The following DCLK1 variants were observed in gnomAD, a reference collection of about 807,000 sequenced individuals.
DCLK1 encodes serine/threonine-protein kinase DCLK1.
In DCLK1, 16 loss-of-function variants were observed where a neutral mutation model predicts 86.2. The observed-to-expected ratio is 0.19, with a 90% confidence interval of 0.13 to 0.28. The LOEUF (loss-of-function observed/expected upper bound fraction) is 0.28. DCLK1 is among the 10% of genes least tolerant of loss of function. The pLI is 1.00. For missense variants in DCLK1, 590 were observed against 940.2 expected, an observed-to-expected ratio of 0.63 and a Z score of 4.87; for synonymous variants, 369 against 370.5, an observed-to-expected ratio of 1.00 and a Z score of 0.05.
At chr13:35,791,504 C>G (rs1031145902) in intron 16 of DCLK1, among the ~76,000 whole-genome samples, 1 of 152,038 alleles carries the variant, frequency 6.6e-6, no homozygotes, top group Non-Finnish European at 1.5e-5. Flanking sequence ...TCTTCAAATA[C>G]TAATGAGTGT....
At chr13:35,921,328 C>T (rs76209988) in intron 4 of DCLK1, among the ~76,000 whole-genome samples, 1 of 152,130 alleles carries the variant, frequency 6.6e-6, no homozygotes, top group Non-Finnish European at 1.5e-5. Flanking sequence ...TACCTGAAAG[C>T]ATTCTTCTCT....
At chr13:36,034,496 T>C (rs768910326) in intron 3 of DCLK1, among the ~76,000 whole-genome samples, 2 of 152,230 alleles carry the variant, frequency 1.3e-5, no homozygotes, top group Non-Finnish European at 2.9e-5. Context: ...AAATATTAAA[T>C]GGACATGTTT....
Position 36,131,226 on chromosome 13 carries a change from GGGC to G in DCLK1, c.-135_-133del. On this transcript the variant is annotated 5_prime_UTR_variant, in exon 1 of 17. Transcript: ENST00000360631. ...GGGGCTGCGGGGCTGCAGGGCTGGGGGGCGGCGGCGGGGCCGGGCTGGGCGGCA... is the reference window on the plus strand; with the variant it reads ...GGGGCTGCGGGGCTGCAGGGCTGGGGGGCGGCGGGGCCGGGCTGGGCGGCA... 1.3e-5 allele frequency: 2 copies of G among 154,590 alleles called. No individual in the cohort carries two copies. Among genetic ancestry groups the G allele is most frequent in the Admixed American group, 6.6e-5 (1 of 15,182 alleles). 9.6% of individuals were successfully genotyped at this position (154,590 alleles called of 1,614,324 possible).
At chr13:36,091,993 CTCA>C (rs1566677726) in intron 3 of DCLK1, among the ~76,000 whole-genome samples, 1 of 152,172 alleles carries the variant, frequency 6.6e-6, no homozygotes, top group East Asian at 1.9e-4. Flanking sequence ...AGAATGTCCT[CTCA>C]TCATCTTTTC....
At chr13:35,788,910 CAAT>C (rs1467232283) in intron 16 of DCLK1, among the ~76,000 whole-genome samples, 14 of 152,010 alleles carry the variant, frequency 9.2e-5, no homozygotes, top group Non-Finnish European at 1.8e-4. Context: ...ATAAAACAGT[CAAT>C]AAATTTTCTC....
At chr13:36,013,260 A>G (rs1343492242) in intron 3 of DCLK1, among the ~76,000 whole-genome samples, 35 of 151,170 alleles carry the variant, frequency 2.3e-4, no homozygotes, top group African/African-American at 5.6e-4. Flanking sequence ...GCTTTGTTCC[A>G]TTGCTGGTGA....
At chr13:35,957,538 G>A (rs1392270917) in intron 3 of DCLK1, among the ~76,000 whole-genome samples, 1 of 152,084 alleles carries the variant, frequency 6.6e-6, no homozygotes, top group Non-Finnish European at 1.5e-5. Flanking sequence ...TTATTAAAAA[G>A]TTTTGCAAGA....
In DCLK1 at chr13:35,772,325, T is replaced by C. The variant is rs1329057270; in HGVS notation, c.*2210A>G. ...TACACTAGATGCTGTAGCAATATAG[T>C]TAATGCCCACAGAAAAAGCAGTAAT... On this transcript the variant is annotated 3_prime_UTR_variant, in exon 17 of 17. Transcript: ENST00000360631. The C allele has an allele frequency of 6.6e-6, 1 of 152,066 alleles. No individual in the cohort carries two copies. Among genetic ancestry groups the C allele is most frequent in the African/African-American group, 2.4e-5 (1 of 41,370 alleles). 9.4% of individuals were successfully genotyped at this position (152,066 alleles called of 1,614,324 possible).
intron 3 of DCLK1, among the ~76,000 whole-genome samples, chr13:35,980,402 C>A (rs1014282102): frequency 6.6e-6 from 1 of 152,090 alleles, no homozygotes; most frequent in African/African-American, 2.4e-5. Context: ...TTGCAGTGAG[C>A]AGAGATCGAC....
chr13:36,121,633 T>C (rs575432036), intron 2 of DCLK1, among the ~76,000 whole-genome samples: 1 of 152,362 alleles, frequency 6.6e-6, no homozygotes, highest in East Asian at 1.9e-4. Flanking sequence ...TTGCATCATA[T>C]ACATACCTTT....
chr13:36,072,133 G>C (rs1883997180), intron 3 of DCLK1, among the ~76,000 whole-genome samples: 1 of 151,980 alleles, frequency 6.6e-6, no homozygotes, highest in Non-Finnish European at 1.5e-5. Flanking sequence ...TCCTAAACTA[G>C]CTCCCTCACC....
intron 3 of DCLK1, among the ~76,000 whole-genome samples, chr13:36,092,544 T>A (rs61948290): frequency 0.17 from 23,029 of 132,792 alleles, 2,119 homozygotes; most frequent in East Asian, 0.45. Flanking sequence ...TGGAGTGCAG[T>A]GGCGGGATCT....
At chr13:35,957,729 G>A (rs891576409) in intron 3 of DCLK1, among the ~76,000 whole-genome samples, 1 of 152,148 alleles carries the variant, frequency 6.6e-6, no homozygotes, top group Admixed American at 6.5e-5. Flanking sequence ...TAACGTTAAA[G>A]TATTGAGTCT....
At position 35,795,925 on chromosome 13, in the gene DCLK1, CAA is replaced by C. The variant is rs36039528; in HGVS notation, c.1945-2448_1945-2447del. Among the ~76,000 whole-genome samples the C allele has an allele frequency of 1.8e-4, 16 of 90,106 alleles. No individual in the cohort carries two copies. In the South Asian group the frequency reaches 4.8e-3, roughly 27 times the overall value. 59.1% of individuals were successfully genotyped at this position (90,106 alleles called of 152,430 possible). On this transcript the variant is annotated intron_variant, in intron 15 of 16. Coordinates refer to ENST00000360631, the MANE Select transcript of DCLK1 (RefSeq NM_001330071.2). ...GGGCAACAAAAGCAAAACTCCATCT[CAA>C]AAAAAAAAAAAAAAAAACCAACAAC...
At chr13:35,821,674 A>ATATATATAAATATATG (rs2087396965) in intron 11 of DCLK1, among the ~76,000 whole-genome samples, 1 of 36,342 alleles carries the variant, frequency 2.8e-5, no homozygotes, top group Middle Eastern at 0.015. Flanking sequence ...AAATATATGT[A>ATATATATAAATATATG]TATATATATA....
At position 35,828,246 on chromosome 13, in the gene DCLK1, A is replaced by G; in HGVS notation, c.1287+4T>C. 2 of 1,609,386 alleles carry G rather than the reference A, an allele frequency of 1.2e-6. No individual in the cohort carries two copies. Among genetic ancestry groups the G allele is most frequent in the South Asian group, 1.1e-5 (1 of 90,942 alleles). ...TATCTCATAAGAACAAATTTTATAC[A>G]TACTTTGCCTCGACATTTGCTTTTC... On this transcript the variant is annotated splice_donor_region_variant and intron_variant, in intron 9 of 16. Coordinates refer to ENST00000360631, the MANE Select transcript of DCLK1 (RefSeq NM_001330071.2).
chr13:35,808,373 G>C, intron 13 of DCLK1, 53 bp from the exon 14 acceptor site: 1 of 1,467,434 alleles, frequency 6.8e-7, no homozygotes, highest in South Asian at 1.1e-5. Flanking sequence ...TCAACTCAGT[G>C]TACATCTTTT....
At chr13:35,805,237 G>A (rs1232614952) in intron 15 of DCLK1, 1 of 156,488 alleles carries the variant, frequency 6.4e-6, no homozygotes, top group Non-Finnish European at 1.4e-5. Context: ...CGTGGAACAA[G>A]TATAAGATCC....
chr13:36,033,056 C>A (rs565029990), intron 3 of DCLK1, among the ~76,000 whole-genome samples: 1 of 152,182 alleles, frequency 6.6e-6, no homozygotes, highest in African/African-American at 2.4e-5. Context: ...ACACACTGTG[C>A]GCCAAACATA....
Sources: allele counts gnomAD v4.1 joint callset (sites outside exome capture counted in the v4.1 genomes callset), GRCh38; gene constraint gnomAD v4.1.1; transcripts MANE v1.5; gene names NCBI Gene and HGNC (gene_info 2026-07-23, HGNC 2026-07-21).